DLG2: variants seen among roughly 807,000 people sequenced by gnomAD.
DLG2 encodes the protein discs large MAGUK scaffold protein 2.
DLG2 carries 45 observed loss-of-function variants against 132.5 expected under a neutral mutation model. That is an observed-to-expected ratio of 0.34 (90% confidence interval 0.27 to 0.44). The LOEUF is 0.44. Ranked by LOEUF, DLG2 falls within the 20% of genes least tolerant of loss-of-function variation. DLG2 has a pLI of 1.00. For synonymous variants in DLG2, 424 were observed against 419.6 expected (o/e 1.01, Z -0.13); for missense variants, 1,045 against 1,196.9 (o/e 0.87, Z 1.87).
chr11:84,036,230 A>G lies in DLG2; in HGVS notation c.919+23085T>C, dbSNP rs118066352. On this transcript the variant is annotated intron_variant, in intron 11 of 27. Coordinates refer to ENST00000376104, the MANE Select transcript of DLG2 (RefSeq NM_001142699.3). ...GGTTAAAGAAAAAAAAAAGTTTGAG[A>G]ACCTCTGTAATTTCCTTATCTAAAC... Among the ~76,000 whole-genome samples the G allele has an allele frequency of 7.2e-5, 11 of 152,220 alleles. No individual in the cohort carries two copies. In the East Asian group the frequency reaches 2.1e-3, roughly 29 times the overall value.
chr11:83,714,474 A>G (rs1370724595), intron 18 of DLG2, among the ~76,000 whole-genome samples: 2 of 152,224 alleles, frequency 1.3e-5, no homozygotes, highest in Non-Finnish European at 2.9e-5. Context: ...TCTGTCTAAG[A>G]TCACATAGAT....
chr11:83,461,006 T>TG (rs1278110274), intron 27 of DLG2, among the ~76,000 whole-genome samples: 2 of 71,150 alleles, frequency 2.8e-5, no homozygotes, highest in African/African-American at 9.9e-5. Context: ...TGGGTTTTTT[T>TG]TTTTTTTTTT....
chr11:84,019,181 T>C (rs900237554), intron 11 of DLG2, among the ~76,000 whole-genome samples: 2 of 152,058 alleles, frequency 1.3e-5, no homozygotes, highest in African/African-American at 4.8e-5. Flanking sequence ...GTAAAAAAAA[T>C]GCATACACAA....
At chr11:84,289,784 G>C (rs2154374962) in intron 7 of DLG2, among the ~76,000 whole-genome samples, 1 of 152,294 alleles carries the variant, frequency 6.6e-6, no homozygotes, top group South Asian at 2.1e-4. Flanking sequence ...CAAACTGCAA[G>C]ATGATGAGCA....
At chr11:83,939,449 T>C (rs147798843) in intron 14 of DLG2, among the ~76,000 whole-genome samples, 2 of 152,254 alleles carry the variant, frequency 1.3e-5, no homozygotes, top group East Asian at 3.9e-4. Context: ...CATTCCTTTT[T>C]GAGAAAAACT....
chr11:84,963,992 C>G (rs2052970420), intron 6 of DLG2, among the ~76,000 whole-genome samples: 1 of 152,052 alleles, frequency 6.6e-6, no homozygotes, highest in Admixed American at 6.6e-5. Flanking sequence ...TAAAATATAT[C>G]TATTTTGTAA....
chr11:85,043,289 C>T (rs1303797412), intron 6 of DLG2, among the ~76,000 whole-genome samples: 1 of 151,714 alleles, frequency 6.6e-6, no homozygotes, highest in African/African-American at 2.4e-5. Context: ...CTAATTTGTA[C>T]CAGAATCTTA....
At chr11:83,920,057 T>C (rs988055019) in intron 15 of DLG2, among the ~76,000 whole-genome samples, 1 of 152,194 alleles carries the variant, frequency 6.6e-6, no homozygotes, top group Admixed American at 6.6e-5. Flanking sequence ...CCACAGACCC[T>C]GACACAGTGC....
At chr11:84,902,966 A>T (rs1394398440) in intron 6 of DLG2, among the ~76,000 whole-genome samples, 1 of 151,754 alleles carries the variant, frequency 6.6e-6, no homozygotes, top group African/African-American at 2.4e-5. Context: ...TTCCTTTCCC[A>T]AGTTATTTTC....
intron 6 of DLG2, among the ~76,000 whole-genome samples, chr11:84,769,602 C>G (rs186077112): frequency 6.6e-6 from 1 of 151,918 alleles, no homozygotes; most frequent in South Asian, 2.1e-4. Flanking sequence ...GAGAGGTAGA[C>G]GACATTTAGA....
chr11:84,292,909 G>T (rs2098025610), intron 7 of DLG2, among the ~76,000 whole-genome samples: 1 of 151,814 alleles, frequency 6.6e-6, no homozygotes, highest in Non-Finnish European at 1.5e-5. Context: ...TAGCTAATGA[G>T]CTAAAAAACA....
chr11:84,644,356 C>T (rs559062789), intron 6 of DLG2, among the ~76,000 whole-genome samples: 16 of 152,212 alleles, frequency 1.1e-4, no homozygotes, highest in African/African-American at 2.9e-4. Flanking sequence ...GTAAAGTTTC[C>T]TTTCAAAAGA....
At chr11:85,517,436 A>G (rs2094191279) in intron 3 of DLG2, among the ~76,000 whole-genome samples, 1 of 152,162 alleles carries the variant, frequency 6.6e-6, no homozygotes, top group East Asian at 1.9e-4. Flanking sequence ...AGCCAGGGCA[A>G]TCAGGAAGTA....
intron 21 of DLG2, among the ~76,000 whole-genome samples, chr11:83,499,854 TATATATA>T (rs2094362295): frequency 4.1e-5 from 1 of 24,458 alleles, no homozygotes; most frequent in Admixed American, 3.0e-4. Context: ...TAATAGGAGA[TATATATA>T]TATATATATA....
intron 19 of DLG2, among the ~76,000 whole-genome samples, chr11:83,559,123 CAAAG>C (rs1353408279): frequency 6.6e-6 from 1 of 151,558 alleles, no homozygotes; most frequent in East Asian, 1.9e-4. Context: ...ACAAGTTGGC[CAAAG>C]AAAGATGAAA....
At chr11:83,965,571 T>C in intron 12 of DLG2, 103 bp from the exon 13 acceptor site, 1 of 915,110 alleles carries the variant, frequency 1.1e-6, no homozygotes. Flanking sequence ...ATAATTACTG[T>C]CCAGTATCCT....
chr11:85,213,271 G>T (rs1239675906), intron 4 of DLG2, among the ~76,000 whole-genome samples: 1 of 152,124 alleles, frequency 6.6e-6, no homozygotes, highest in African/African-American at 2.4e-5. Flanking sequence ...AGGAGATACA[G>T]AGAACATGTG....
chr11:84,012,023 C>G (rs2094917978), intron 11 of DLG2, among the ~76,000 whole-genome samples: 1 of 151,952 alleles, frequency 6.6e-6, no homozygotes, highest in Admixed American at 6.6e-5. Context: ...GTTTTTTACC[C>G]TGATTAAAAT....
rs1031582184 is a variant in DLG2, at chr11:83,479,708, C to CTT, written c.2293+4419_2293+4420dup. Among the ~76,000 whole-genome samples, 65 of 152,124 alleles carry CTT rather than the reference C, an allele frequency of 4.3e-4. No homozygotes were observed. In the Middle Eastern group the frequency reaches 0.034, roughly 80 times the overall value. On this transcript the variant is annotated intron_variant, in intron 22 of 27. Transcript: ENST00000376104. ...GTGACCAAACAAAGACCAGAAATAA[C>CTT]TTTTAAATAGTTACCTACCTTTTCA... is the stretch of plus-strand genomic sequence containing the variant.
Sources: gnomAD v4.1 joint callset for allele counts (sites outside exome capture counted in the v4.1 genomes callset) on GRCh38, gnomAD v4.1.1 for gene constraint, MANE v1.5 for transcripts, NCBI Gene and HGNC (gene_info 2026-07-23, HGNC 2026-07-21) for gene names.